Variants in GFI1B observed in about 807,000 individuals in gnomAD.
The protein encoded by GFI1B is growth factor independent 1B transcriptional repressor, also known as zinc finger protein Gfi-1b.
In GFI1B, 20 loss-of-function variants were observed where a neutral mutation model predicts 35.3. The observed-to-expected ratio is 0.57, with a 90% confidence interval of 0.40 to 0.82. The LOEUF (loss-of-function observed/expected upper bound fraction) is 0.82. Ranked by LOEUF, GFI1B falls within the 40% of genes least tolerant of loss-of-function variation. The pLI is 0.00. For synonymous variants in GFI1B, 178 were observed against 177.6 expected (o/e 1.00, Z -0.02); for missense variants, 430 against 446.3 (o/e 0.96, Z 0.33).
intron 1 of GFI1B, among the ~76,000 whole-genome samples, 151 bp downstream of exon 1, chr9:132,978,992 G>C (rs1428414902): frequency 6.6e-6 from 1 of 152,256 alleles, no homozygotes. Context: ...AGCCAAGGGA[G>C]AAACAGGGTG....
intron 1 of GFI1B, among the ~76,000 whole-genome samples, chr9:132,960,643 T>C (rs1001137015): frequency 5.3e-5 from 8 of 151,962 alleles, no homozygotes; most frequent in African/African-American, 1.7e-4. Flanking sequence ...AATATGGGCA[T>C]GTACCACTAC....
At chr9:132,954,953 A>G (rs559866662) in intron 1 of GFI1B, among the ~76,000 whole-genome samples, 19 of 152,220 alleles carry the variant, frequency 1.2e-4, no homozygotes, top group African/African-American at 4.6e-4. Flanking sequence ...TCTTGACCTC[A>G]TGATCCACCC....
chr9:132,965,143 A>T (rs932830950), intron 1 of GFI1B, among the ~76,000 whole-genome samples: 8 of 151,810 alleles, frequency 5.3e-5, no homozygotes, highest in Non-Finnish European at 8.8e-5. Context: ...AAAATAAATT[A>T]AAAAGCATCG....
intron 6 of GFI1B, 81 bp from the exon 7 acceptor site, chr9:132,990,791 C>A: frequency 1.5e-6 from 2 of 1,308,600 alleles, no homozygotes; most frequent in Non-Finnish European, 2.2e-6. Context: ...AAAATGAACC[C>A]GGGGGCAGGG....
At chr9:132,992,998 A>T (rs1435006608), downstream of GFI1B, among the ~76,000 whole-genome samples, 2 of 83,922 alleles carry the variant, frequency 2.4e-5, no homozygotes, top group East Asian at 5.0e-4. Flanking sequence ...GGTCAAACAT[A>T]AAAAAAAAAC....
At chr9:132,965,482 TG>T (rs1279585895) in intron 1 of GFI1B, among the ~76,000 whole-genome samples, 4 of 152,252 alleles carry the variant, frequency 2.6e-5, no homozygotes, top group African/African-American at 4.8e-5. Context: ...TACCTGTGAA[TG>T]TGACCGTATT....
At chr9:132,981,455 T>G (rs1848817147) in intron 1 of GFI1B, among the ~76,000 whole-genome samples, 1 of 152,074 alleles carries the variant, frequency 6.6e-6, no homozygotes, top group East Asian at 1.9e-4. Flanking sequence ...CTGGGCAACA[T>G]GGCAAAACCC....
chr9:132,963,686 G>A (rs1848405004), intron 1 of GFI1B: 1 of 151,992 alleles, frequency 6.6e-6, no homozygotes, highest in African/African-American at 2.4e-5. Context: ...ATCTGCAAAA[G>A]TTGAATATTG....
chr9:132,949,300 CACACAT>C (rs1169611631), intron 1 of GFI1B, among the ~76,000 whole-genome samples: 1 of 147,730 alleles, frequency 6.8e-6, no homozygotes, highest in African/African-American at 2.5e-5. Flanking sequence ...CACACACACA[CACACAT>C]CAAGCCAAAC....
chr9:132,991,122 C>A lies in GFI1B; in HGVS notation c.*72C>A, dbSNP rs1849282481. ...TCACCTGGAGGCCAGCCTCACATGCCCAAATCTCCAGTCTCCTGGAGGTGG... is the reference window on the plus strand; with the variant it reads ...TCACCTGGAGGCCAGCCTCACATGCACAAATCTCCAGTCTCCTGGAGGTGG... On this transcript the variant is annotated 3_prime_UTR_variant, in exon 7 of 7. Coordinates refer to ENST00000372122, the MANE Select transcript of GFI1B (RefSeq NM_001377304.1). The A allele has an allele frequency of 2.9e-6, 4 of 1,356,092 alleles. No homozygotes were observed. The highest frequency in any genetic ancestry group is 4.2e-6 in the Non-Finnish European group (4 of 959,524). 84.0% of individuals were successfully genotyped at this position (1,356,092 alleles called of 1,614,324 possible).
At chr9:132,962,642 G>A in intron 1 of GFI1B, 1 of 497,050 alleles carries the variant, frequency 2.0e-6, no homozygotes, top group Non-Finnish European at 4.0e-6. Context: ...AGGAGATATT[G>A]AAGAAGAACC....
chr9:132,969,499 G>A (rs62578223), intron 1 of GFI1B, among the ~76,000 whole-genome samples: 7,462 of 152,216 alleles, frequency 0.049, 265 homozygotes, highest in Non-Finnish European at 0.073. Flanking sequence ...ATACTCCGTC[G>A]TATGGACCAA....
At chr9:132,970,264 A>G (rs1848513143) in intron 1 of GFI1B, among the ~76,000 whole-genome samples, 1 of 152,050 alleles carries the variant, frequency 6.6e-6, no homozygotes, top group African/African-American at 2.4e-5. Context: ...CCCAGACAGG[A>G]GACAGGGCCT....
chr9:132,989,118 C>T lies in GFI1B; in HGVS notation c.568C>T (p.Arg190Trp), dbSNP rs144046935. Reference sequence around the variant, plus strand: ...TGTGCGACGCTCCCATAGTGGGACCCGGCCCTTCGCCTGTGACATCTGCGG... The same window carrying T: ...TGTGCGACGCTCCCATAGTGGGACCTGGCCCTTCGCCTGTGACATCTGCGG... Reference protein sequence around the residue: ...VHVRRSHSGTRPFACDICGKT... With the variant: ...VHVRRSHSGTWPFACDICGKT... Residue 190 changes from arginine to tryptophan, a missense_variant, in exon 5 of 7, where the codon CGG becomes TGG. Physicochemically the swap from Arg to Trp is moderately radical, Grantham distance 101. Coordinates refer to ENST00000372122, the MANE Select transcript of GFI1B (RefSeq NM_001377304.1). This position sits in a 1 kb window ranked among gnomAD's most constrained non-coding sequence, Gnocchi z 6.2. 94 of 1,613,836 alleles carry T rather than the reference C, an allele frequency of 5.8e-5. 1 individual carries two copies. The highest frequency in any genetic ancestry group is 5.3e-4 in the South Asian group (48 of 91,080).
upstream of GFI1B, chr9:132,975,200 T>C (rs2132614912): frequency 6.6e-6 from 1 of 152,348 alleles, no homozygotes; most frequent in Middle Eastern, 3.4e-3. Context: ...ATTTTTGTCC[T>C]AAAGGTAAAG....
downstream of GFI1B, among the ~76,000 whole-genome samples, chr9:132,992,733 G>A (rs1353407165): frequency 6.6e-6 from 1 of 152,136 alleles, no homozygotes; most frequent in Non-Finnish European, 1.5e-5. Flanking sequence ...TTTGCTTACA[G>A]CTTAGGAGCC....
chr9:132,983,523 C>T (rs1457595963), intron 1 of GFI1B, among the ~76,000 whole-genome samples: 2 of 152,108 alleles, frequency 1.3e-5, no homozygotes, highest in Non-Finnish European at 2.9e-5. Context: ...GCCCCAGCAC[C>T]CTGCATTTCC....
chr9:132,958,749 G>T (rs1378342319), intron 1 of GFI1B, among the ~76,000 whole-genome samples: 2 of 152,182 alleles, frequency 1.3e-5, no homozygotes, highest in Non-Finnish European at 2.9e-5. Context: ...GAGACATGAG[G>T]TAGGAACTGG....
upstream of GFI1B, among the ~76,000 whole-genome samples, chr9:132,976,787 T>TA (rs1172621953): frequency 5.3e-5 from 8 of 151,564 alleles, no homozygotes; most frequent in Non-Finnish European, 8.8e-5. Context: ...CTAAAAAAAA[T>TA]AAAAAAATTA....
Sources: gnomAD v4.1 joint callset for allele counts (sites outside exome capture counted in the v4.1 genomes callset) on GRCh38, gnomAD v4.1.1 for gene constraint, Gnocchi (gnomAD v3.1) non-coding constraint, MANE v1.5 for transcripts, NCBI Gene and HGNC (gene_info 2026-07-23, HGNC 2026-07-21) for gene names.